The following DYSF variants were observed in gnomAD, a reference collection of about 807,000 sequenced individuals.
The protein encoded by DYSF is dystrophy-associated fer-1-like 1.
A neutral mutation model predicts 274.9 loss-of-function variants in DYSF; 212 were observed. The observed-to-expected ratio is 0.77, with a 90% CI of 0.69 to 0.86. The LOEUF is 0.86. DYSF is among the 40% of genes least tolerant of loss of function. DYSF has a pLI of 0.00. For missense variants in DYSF, 2,666 were observed against 2,783.2 expected (o/e 0.96, Z 0.95); for synonymous variants, 1,091 against 1,078.7 (o/e 1.01, Z -0.22).
chr2:71,668,102 A>G (rs1347870404), intron 48 of DYSF, among the ~76,000 whole-genome samples: 1 of 151,922 alleles, frequency 6.6e-6, no homozygotes, highest in East Asian at 2.0e-4. Context: ...AGGGGAGACA[A>G]GGTTATAGGC....
chr2:71,538,762 T>C (rs371262626), intron 16 of DYSF, among the ~76,000 whole-genome samples: 1 of 152,232 alleles, frequency 6.6e-6, no homozygotes, highest in Admixed American at 6.5e-5. Flanking sequence ...CTTTAGCTCC[T>C]GGAGCCTCTC....
At chr2:71,503,147 G>A (rs891785144) in intron 3 of DYSF, 67 bp from the exon 4 acceptor site, 12 of 1,412,198 alleles carry the variant, frequency 8.5e-6, no homozygotes, top group South Asian at 1.1e-5. Context: ...GTGGCAGTGA[G>A]GGGTCTGGCA....
intron 3 of DYSF, among the ~76,000 whole-genome samples, chr2:71,493,080 G>A (rs1395667709): frequency 1.3e-5 from 2 of 151,914 alleles, no homozygotes; most frequent in African/African-American, 4.8e-5. Context: ...GTAGAGACAG[G>A]GTCTCACTAT....
At chr2:71,460,023 C>T (rs954368092) in intron 1 of DYSF, among the ~76,000 whole-genome samples, 5 of 152,216 alleles carry the variant, frequency 3.3e-5, no homozygotes, top group Admixed American at 3.3e-4. Flanking sequence ...CGAGGAGCTG[C>T]CCTCACCTGA....
At chr2:71,681,254 G>T in intron 54 of DYSF, 144 bp downstream of exon 54, 1 of 745,076 alleles carries the variant, frequency 1.3e-6, no homozygotes, top group Non-Finnish European at 2.3e-6. Flanking sequence ...AGGCCACACA[G>T]TAAGTTAGGG....
chr2:71,671,889 C>T lies in DYSF; in HGVS notation c.5784+2143C>T, dbSNP rs905496602. Among the ~76,000 whole-genome samples, 18 of 152,058 alleles carry T rather than the reference C, an allele frequency of 1.2e-4. 1 individual carries two copies. The highest frequency in any genetic ancestry group is 7.7e-4 in the East Asian group (4 of 5,164). ...GCGAGTTCCAGAGGAAGACAGGGGT[C>T]GAGGATATGGAAGGGACTGCCTGAT... On this transcript the variant is annotated intron_variant, in intron 51 of 55. Transcript: ENST00000410020.
At chr2:71,532,108 A>G (rs536432562) in intron 14 of DYSF, among the ~76,000 whole-genome samples, 3 of 152,340 alleles carry the variant, frequency 2.0e-5, no homozygotes, top group East Asian at 3.9e-4. Context: ...TTAGGTTATT[A>G]AAGAGTCATT....
At position 71,664,106 on chromosome 2, in the gene DYSF, C is replaced by T. The variant is rs2303598; in HGVS notation, c.5004-162C>T. Among the ~76,000 whole-genome samples the T allele has an allele frequency of 0.64, 97,221 of 152,090 alleles. 31,838 individuals are homozygous for T. Among genetic ancestry groups the T allele is most frequent in the Middle Eastern group, 0.78 (229 of 294 alleles). On this transcript the variant is annotated intron_variant, in intron 45 of 55. Transcript: ENST00000410020. ...TGTCCCCCTTCCCCCTACACACACA[C>T]TCAGGCCCAGTACAGCAGTGCTGTG...
rs201980470 is a variant in DYSF, at chr2:71,513,839, C to A, written c.677C>A (p.Pro226Gln). Residue 226 changes from proline to glutamine, a missense_variant, in exon 7 of 56, where the codon CCG (proline) becomes CAG (glutamine). This residue lies in a region of DYSF where 794 missense variants were observed against 777.1 expected (regional missense o/e 1.02). Coordinates refer to ENST00000410020, the MANE Select transcript of DYSF (RefSeq NM_001130987.2). ...TTPRKLPSRP[P>Q]PHYPGIKRKR... ...CCAAGGAAACTACCTTCACGTCCTC[C>A]GCCCCACTACCCCGGGATCAAAAGA... The A allele has an allele frequency of 9.9e-6, 16 of 1,614,216 alleles. No individual in the cohort carries two copies. In the East Asian group the frequency reaches 3.3e-4, roughly 34 times the overall value.
At chr2:71,577,509 C>A (rs2092745901) in intron 30 of DYSF, among the ~76,000 whole-genome samples, 1 of 124,248 alleles carries the variant, frequency 8.0e-6, no homozygotes, top group African/African-American at 3.1e-5. Flanking sequence ...ACACACAGCC[C>A]CACTCTCATG....
intron 1 of DYSF, among the ~76,000 whole-genome samples, chr2:71,480,151 A>G (rs939765607): frequency 6.6e-6 from 1 of 152,158 alleles, no homozygotes; most frequent in African/African-American, 2.4e-5. Flanking sequence ...CCTATTCTGG[A>G]CATTTCTTAT....
intron 36 of DYSF, among the ~76,000 whole-genome samples, chr2:71,607,865 T>C (rs1180648522): frequency 6.6e-6 from 1 of 152,092 alleles, no homozygotes; most frequent in African/African-American, 2.4e-5. Context: ...GTAGGACACA[T>C]TAATGAACTA....
chr2:71,504,864 C>T (rs1245223558), intron 4 of DYSF, among the ~76,000 whole-genome samples: 2 of 152,248 alleles, frequency 1.3e-5, no homozygotes, highest in South Asian at 2.1e-4. Context: ...TCGCCTCCTC[C>T]TGCTCCTTGT....
intron 21 of DYSF, among the ~76,000 whole-genome samples, chr2:71,554,838 A>G (rs2091227025): frequency 6.6e-6 from 1 of 152,092 alleles, no homozygotes; most frequent in Non-Finnish European, 1.5e-5. Flanking sequence ...AATGGAGGAG[A>G]ATCACAGGTG....
chr2:71,482,578 G>T (rs1047662680), intron 3 of DYSF, among the ~76,000 whole-genome samples: 1 of 152,120 alleles, frequency 6.6e-6, no homozygotes, highest in Non-Finnish European at 1.5e-5. Flanking sequence ...GCAAAAGCAG[G>T]CTCCCCCTAG....
intron 10 of DYSF, among the ~76,000 whole-genome samples, chr2:71,519,083 A>G (rs1364710016): frequency 9.4e-6 from 1 of 106,082 alleles, no homozygotes; most frequent in African/African-American, 4.0e-5. Context: ...ACAGAGCGAC[A>G]CTCCATCTCA....
At position 71,517,001 on chromosome 2, in the gene DYSF, C is replaced by T. The variant is rs1375948337; in HGVS notation, c.964C>T (p.Arg322Cys). 5 of 1,614,156 alleles carry T rather than the reference C, an allele frequency of 3.1e-6. No homozygotes were observed. The highest frequency in any genetic ancestry group is 3.3e-5 in the Admixed American group (2 of 60,024). ...EPIFITVVDSRSLRTDALLGE... is the reference protein window; with the variant it reads ...EPIFITVVDSCSLRTDALLGE... ...TCTTTCTCTGCAGGTGGTAGACTCTCGTTCTCTCAGGACAGATGCTCTCCT... is the reference window on the plus strand; with the variant it reads ...TCTTTCTCTGCAGGTGGTAGACTCTTGTTCTCTCAGGACAGATGCTCTCCT... Residue 322 changes from arginine (R) to cysteine (C), a missense_variant, in exon 10 of 56, where the codon CGT (arginine) becomes TGT (cysteine). Around this residue, in one of 3 missense-constraint regions of DYSF, gnomAD observed 794 missense variants for 777.1 expected, o/e 1.02. Coordinates refer to ENST00000410020, the MANE Select transcript of DYSF (RefSeq NM_001130987.2).
chr2:71,535,547 G>A (rs1204718943), intron 16 of DYSF, among the ~76,000 whole-genome samples: 2 of 152,094 alleles, frequency 1.3e-5, no homozygotes, highest in African/African-American at 4.8e-5. Flanking sequence ...GAGGGCAGAA[G>A]GAGCTGGGAA....
intron 3 of DYSF, among the ~76,000 whole-genome samples, chr2:71,502,858 G>A (rs1247284419): frequency 6.6e-6 from 1 of 152,182 alleles, no homozygotes; most frequent in East Asian, 1.9e-4. Flanking sequence ...GTGTGGGGGT[G>A]ATGAGATACT....
Sources: allele counts gnomAD v4.1 joint callset (sites outside exome capture counted in the v4.1 genomes callset), GRCh38; gene constraint gnomAD v4.1.1; regional missense constraint gnomAD v4.1.1; transcripts MANE v1.5; gene names NCBI Gene and HGNC (gene_info 2026-07-23, HGNC 2026-07-21).